Variants in CDK17 observed in about 807,000 individuals in gnomAD.
CDK17 encodes cyclin dependent kinase 17.
A neutral mutation model predicts 77.6 loss-of-function variants in CDK17; 24 were observed. The ratio of observed to expected loss-of-function variants is 0.31; its 90% CI spans 0.22 to 0.44. The LOEUF (loss-of-function observed/expected upper bound fraction) is 0.44, where lower values mean the gene tolerates loss of function less well. Among genes scored for constraint, CDK17 ranks in the 20% least tolerant of loss-of-function variants. The pLI is 1.00. For missense variants in CDK17, 429 were observed against 622.5 expected (o/e 0.69, Z 3.31); for synonymous variants, 203 against 210.4 (o/e 0.96, Z 0.30).
At chr12:96,343,967 T>G (rs1953160905) in intron 1 of CDK17, among the ~76,000 whole-genome samples, 2 of 152,088 alleles carry the variant, frequency 1.3e-5, no homozygotes, top group South Asian at 4.1e-4. Flanking sequence ...AAACAATGTA[T>G]GAGCAAAACA....
intron 1 of CDK17, among the ~76,000 whole-genome samples, chr12:96,388,700 T>A (rs1265925496): frequency 2.0e-5 from 3 of 152,166 alleles, no homozygotes; most frequent in African/African-American, 7.2e-5. Context: ...TGTTCTTACA[T>A]TGCTATAAAG....
chr12:96,303,737 G>T (rs1353377661), intron 5 of CDK17, among the ~76,000 whole-genome samples: 2 of 151,954 alleles, frequency 1.3e-5, no homozygotes, highest in Non-Finnish European at 2.9e-5. Flanking sequence ...ACTGTAACTT[G>T]TAAGCAATAC....
chr12:96,338,771 GT>G (rs34576077), intron 1 of CDK17, among the ~76,000 whole-genome samples: 58,113 of 146,432 alleles, frequency 0.4, 11,534 homozygotes, highest in East Asian at 0.59. Context: ...AGCCACTAAG[GT>G]TTTTTTTTTT....
chr12:96,391,612 A>C (rs1040355279), intron 1 of CDK17, among the ~76,000 whole-genome samples: 1 of 152,148 alleles, frequency 6.6e-6, no homozygotes, highest in African/African-American at 2.4e-5. Context: ...GTTAAACCAA[A>C]TTTTACTCCT....
intron 1 of CDK17, among the ~76,000 whole-genome samples, chr12:96,361,073 C>T (rs143880606): frequency 1.7e-4 from 26 of 152,320 alleles, no homozygotes; most frequent in African/African-American, 5.3e-4. Flanking sequence ...AGGAGAAACC[C>T]TATGAAACTG....
intron 1 of CDK17, chr12:96,399,001 G>C (rs1168666858): frequency 6.6e-6 from 1 of 152,266 alleles, no homozygotes; most frequent in Admixed American, 6.5e-5. Flanking sequence ...GGGAGGAAGA[G>C]AGAGAAGTTC....
intron 1 of CDK17, among the ~76,000 whole-genome samples, chr12:96,393,484 G>C (rs555280707): frequency 2.6e-5 from 4 of 151,354 alleles, no homozygotes; most frequent in Non-Finnish European, 5.9e-5. Context: ...TGTAATTCCA[G>C]CACTTTGGGA....
In CDK17 at chr12:96,291,663, C is replaced by T. The variant is rs191252035; in HGVS notation, c.998-2376G>A. On this transcript the variant is annotated intron_variant, in intron 10 of 16. Coordinates refer to ENST00000261211, the MANE Select transcript of CDK17 (RefSeq NM_002595.5). ...TTTTTTTTTTTGAGATGAAGTCTCG[C>T]TCTGTCATGCAGTGGCATGATCTTG... Among the ~76,000 whole-genome samples, 15 of 142,210 alleles carry T rather than the reference C, an allele frequency of 1.1e-4. No individual in the cohort carries two copies. In the East Asian group the frequency reaches 1.4e-3, roughly 14 times the overall value. The allele number at this position is 142,210 out of a possible 152,430, so 93.3% of individuals were successfully genotyped here.
chr12:96,381,095 A>G (rs1001263223), intron 1 of CDK17, among the ~76,000 whole-genome samples: 3 of 152,186 alleles, frequency 2.0e-5, no homozygotes, highest in Non-Finnish European at 2.9e-5. Context: ...CATCTTTGGT[A>G]ATAACACAAA....
At chr12:96,317,844 A>G (rs1376026462) in intron 3 of CDK17, among the ~76,000 whole-genome samples, 5 of 150,504 alleles carry the variant, frequency 3.3e-5, no homozygotes, top group African/African-American at 9.7e-5. Flanking sequence ...CTGCAAAATC[A>G]TGCCAAAATG....
At position 96,339,792 on chromosome 12, in the gene CDK17, T is replaced by C. The variant is rs1040560450; in HGVS notation, c.-29-4927A>G. 2.0e-5 allele frequency among the ~76,000 whole-genome samples: 3 copies of C among 151,906 alleles called. No individual in the cohort carries two copies. The East Asian group carries it at 5.8e-4, about 29-fold the overall frequency. ...TAAAAATATAAAAATTAGCCAGGCATGGTGGTGCACGCCTGTAATCCTAGC... is the reference window on the plus strand; with the variant it reads ...TAAAAATATAAAAATTAGCCAGGCACGGTGGTGCACGCCTGTAATCCTAGC... On this transcript the variant is annotated intron_variant, in intron 1 of 16. Transcript: ENST00000261211.
intron 1 of CDK17, among the ~76,000 whole-genome samples, chr12:96,337,197 G>C (rs1239130178): frequency 6.6e-6 from 1 of 151,960 alleles, no homozygotes. Context: ...CTCACTCTAT[G>C]GTGTGGCTCT....
intron 5 of CDK17, chr12:96,303,031 C>T (rs1055503667): frequency 2.0e-5 from 3 of 152,156 alleles, no homozygotes; most frequent in African/African-American, 4.8e-5. Context: ...TACATCAAAA[C>T]AGTACTTACT....
intron 6 of CDK17, among the ~76,000 whole-genome samples, chr12:96,299,385 TA>T (rs896250378): frequency 2.5e-5 from 3 of 119,932 alleles, no homozygotes; most frequent in African/African-American, 9.9e-5. Context: ...TGTTAAATGA[TA>T]AATTTTTTTT....
intron 11 of CDK17, among the ~76,000 whole-genome samples, chr12:96,288,100 T>C (rs141687607): frequency 0.025 from 3,821 of 152,230 alleles, 92 homozygotes; most frequent in Non-Finnish European, 0.035. Context: ...TGGAGGTAGA[T>C]AGATAGTGGT....
At chr12:96,285,964 A>T in intron 13 of CDK17, 79 bp downstream of exon 13, 6 of 724,154 alleles carry the variant, frequency 8.3e-6, no homozygotes, top group South Asian at 3.0e-5. Context: ...TTTTTCCTGA[A>T]TCCTTACTGT....
chr12:96,311,260 T>G, intron 4 of CDK17, 83 bp from the exon 5 acceptor site: 1 of 1,163,920 alleles, frequency 8.6e-7, no homozygotes, highest in East Asian at 2.8e-5. Flanking sequence ...ATATTATTTC[T>G]TAGTGATAAG....
Position 96,400,247 on chromosome 12 carries a change from G to A in CDK17, c.-291C>T. On this transcript the variant is annotated 5_prime_UTR_variant, in exon 1 of 17. Transcript: ENST00000261211. ...TGGCTCCCGCGCCGACGAGCCGCGC[G>A]GACGGCCCACTAATCCCCTCGGAGC... 1 of 393,840 alleles carries A rather than the reference G, an allele frequency of 2.5e-6. No homozygotes were observed. The highest frequency in any genetic ancestry group is 4.5e-6 in the Non-Finnish European group (1 of 222,868). The allele number at this position is 393,840 out of a possible 1,614,324, so 24.4% of individuals were successfully genotyped here.
At chr12:96,288,229 C>T (rs918426942) in intron 11 of CDK17, among the ~76,000 whole-genome samples, 1 of 151,918 alleles carries the variant, frequency 6.6e-6, no homozygotes, top group Non-Finnish European at 1.5e-5. Flanking sequence ...AAAAGTTATA[C>T]GAGACATTTT....
Sources: gnomAD v4.1 joint callset for allele counts (sites outside exome capture counted in the v4.1 genomes callset) on GRCh38, gnomAD v4.1.1 for gene constraint, MANE v1.5 for transcripts, NCBI Gene and HGNC (gene_info 2026-07-23, HGNC 2026-07-21) for gene names.